The following GRIA2 variants were observed in gnomAD, a reference collection of about 807,000 sequenced individuals.
GRIA2 encodes the protein glutamate receptor 2.
A neutral mutation model predicts 97.3 loss-of-function variants in GRIA2; 14 were observed. The ratio of observed to expected loss-of-function variants is 0.14; its 90% CI spans 0.10 to 0.23. GRIA2 has a LOEUF of 0.23. GRIA2 is among the 10% of genes least tolerant of loss of function. The pLI is 1.00. For missense variants in GRIA2, 558 were observed against 1,069.8 expected (o/e 0.52, Z 6.67); for synonymous variants, 412 against 387.8 (o/e 1.06, Z -0.73).
At chr4:157,336,207 C>A (rs1735277961) in intron 10 of GRIA2, among the ~76,000 whole-genome samples, 170 bp from the exon 11 acceptor site, 1 of 151,970 alleles carries the variant, frequency 6.6e-6, no homozygotes, top group African/African-American at 2.4e-5. Flanking sequence ...AGAGGAGGGG[C>A]ATTCGGGGAA....
At chr4:157,284,022 G>T (rs1251068958) in intron 2 of GRIA2, among the ~76,000 whole-genome samples, 1 of 151,822 alleles carries the variant, frequency 6.6e-6, no homozygotes, top group East Asian at 1.9e-4. Context: ...TTCATATTTA[G>T]TAGAAAACAG....
intron 12 of GRIA2, among the ~76,000 whole-genome samples, chr4:157,346,696 G>A (rs1735779255): frequency 1.3e-5 from 2 of 152,050 alleles, no homozygotes; most frequent in Non-Finnish European, 2.9e-5. Context: ...GGAAAAAATA[G>A]CATCGTATAC....
intron 2 of GRIA2, among the ~76,000 whole-genome samples, chr4:157,225,602 C>T (rs1211500312): frequency 4.8e-5 from 7 of 146,496 alleles, no homozygotes; most frequent in Non-Finnish European, 9.0e-5. Flanking sequence ...GAATAAATGA[C>T]TGCTTTTTTT....
At chr4:157,359,078 A>G (rs900847566) in intron 12 of GRIA2, among the ~76,000 whole-genome samples, 2 of 152,174 alleles carry the variant, frequency 1.3e-5, no homozygotes, top group African/African-American at 4.8e-5. Flanking sequence ...AAATGCTTTG[A>G]CTTTCCAACT....
At chr4:157,221,233 C>T (rs888535615) in intron 1 of GRIA2, 103 bp downstream of exon 1, 11 of 730,608 alleles carry the variant, frequency 1.5e-5, no homozygotes, top group Non-Finnish European at 2.5e-5. Context: ...TATGTCATAC[C>T]TTGACTGCAT....
intron 8 of GRIA2, 98 bp from the exon 9 acceptor site, chr4:157,333,912 T>A: frequency 1.5e-6 from 1 of 674,912 alleles, no homozygotes. Context: ...TAAATGTGGT[T>A]CTAATTTCAG....
chr4:157,229,945 C>A (rs1227582238), intron 2 of GRIA2, among the ~76,000 whole-genome samples: 1 of 152,132 alleles, frequency 6.6e-6, no homozygotes, highest in Admixed American at 6.5e-5. Flanking sequence ...AAGTACCCAA[C>A]TTACTGATAG....
chr4:157,236,028 A>T (rs561669604), intron 2 of GRIA2, among the ~76,000 whole-genome samples: 3 of 152,076 alleles, frequency 2.0e-5, no homozygotes, highest in Admixed American at 2.0e-4. Flanking sequence ...CTTGGTTATT[A>T]TAGGGGTTTG....
intron 2 of GRIA2, among the ~76,000 whole-genome samples, chr4:157,282,253 A>G (rs1732640054): frequency 6.6e-6 from 1 of 152,126 alleles, no homozygotes; most frequent in African/African-American, 2.4e-5. Flanking sequence ...ACCCAGAGCC[A>G]ATGCAGAAGG....
intron 2 of GRIA2, among the ~76,000 whole-genome samples, chr4:157,282,613 C>A (rs1732656309): frequency 2.0e-5 from 3 of 151,918 alleles, no homozygotes; most frequent in Admixed American, 2.0e-4. Context: ...CACTTTGGAT[C>A]AAGGAGGGAT....
intron 12 of GRIA2, among the ~76,000 whole-genome samples, chr4:157,357,577 A>T (rs1736446603): frequency 6.6e-6 from 1 of 152,174 alleles, no homozygotes; most frequent in Non-Finnish European, 1.5e-5. Context: ...CAATTACATC[A>T]TAAAATCATG....
intron 2 of GRIA2, among the ~76,000 whole-genome samples, chr4:157,260,386 G>A (rs547781668): frequency 4.6e-5 from 7 of 152,154 alleles, no homozygotes; most frequent in Admixed American, 2.6e-4. Context: ...GATGGTCAAG[G>A]GCTTACATGA....
At chr4:157,239,853 T>G (rs1453175550) in intron 2 of GRIA2, among the ~76,000 whole-genome samples, 1 of 152,020 alleles carries the variant, frequency 6.6e-6, no homozygotes, top group Non-Finnish European at 1.5e-5. Flanking sequence ...ATACTTGAAA[T>G]TTCCAAATGT....
intron 2 of GRIA2, among the ~76,000 whole-genome samples, chr4:157,287,800 C>T (rs1732913083): frequency 6.6e-6 from 1 of 151,362 alleles, no homozygotes; most frequent in South Asian, 2.1e-4. Context: ...TTTCTCTTTT[C>T]TCCGATGAGC....
At chr4:157,319,980 C>G (rs1374711255) in intron 5 of GRIA2, among the ~76,000 whole-genome samples, 2 of 151,962 alleles carry the variant, frequency 1.3e-5, no homozygotes, top group Non-Finnish European at 2.9e-5. Context: ...TGAATTCCAG[C>G]ATTAAGAAAG....
chr4:157,239,269 C>A (rs576367485), intron 2 of GRIA2, among the ~76,000 whole-genome samples: 1 of 152,168 alleles, frequency 6.6e-6, no homozygotes, highest in East Asian at 1.9e-4. Context: ...CACTCCTTTG[C>A]TAATCAAAAC....
intron 9 of GRIA2, chr4:157,334,345 TTCC>T (rs1735191621): frequency 4.6e-6 from 2 of 430,470 alleles, no homozygotes; most frequent in Non-Finnish European, 8.6e-6. Context: ...ACACAGATAA[TTCC>T]TACCCTGGTG....
At chr4:157,325,208 T>G (rs916467322) in intron 6 of GRIA2, among the ~76,000 whole-genome samples, 6 of 152,180 alleles carry the variant, frequency 3.9e-5, no homozygotes, top group Non-Finnish European at 8.8e-5. Flanking sequence ...TAAAATAAAT[T>G]TTATTCAGTA....
intron 3 of GRIA2, among the ~76,000 whole-genome samples, chr4:157,307,336 G>T (rs1398024255): frequency 6.6e-6 from 1 of 152,194 alleles, no homozygotes. Context: ...AACAATTAGA[G>T]ACATGGATGC....
Sources: gnomAD v4.1 joint callset for allele counts (sites outside exome capture counted in the v4.1 genomes callset) on GRCh38, gnomAD v4.1.1 for gene constraint, MANE v1.5 for transcripts, NCBI Gene and HGNC (gene_info 2026-07-23, HGNC 2026-07-21) for gene names.